The following EDIL3 variants were observed in gnomAD, a reference collection of about 807,000 sequenced individuals.
EDIL3 encodes the protein EGF like and discoidin domains 3, also known as EGF-like repeat and discoidin I-like domain-containing protein 3.
Under a neutral mutation model 67.4 loss-of-function variants are expected in EDIL3, and 37 were observed. The ratio of observed to expected loss-of-function variants is 0.55; its 90% CI spans 0.42 to 0.72. EDIL3 has a LOEUF of 0.72. Ranked by LOEUF, EDIL3 falls within the 30% of genes least tolerant of loss-of-function variation. The pLI, the probability that EDIL3 is intolerant of heterozygous loss-of-function variation, is 0.00. For synonymous variants in EDIL3, 195 were observed against 196.3 expected, an observed-to-expected ratio of 0.99 and a Z score of 0.05; for missense variants, 527 against 586.3, an observed-to-expected ratio of 0.90 and a Z score of 1.04.
At chr5:84,245,079 A>G (rs1311505864) in intron 2 of EDIL3, among the ~76,000 whole-genome samples, 3 of 152,184 alleles carry the variant, frequency 2.0e-5, no homozygotes, top group African/African-American at 7.2e-5. Flanking sequence ...TTAAATGCTT[A>G]TTCCTTCTCT....
intron 1 of EDIL3, among the ~76,000 whole-genome samples, chr5:84,313,569 G>T (rs1011673571): frequency 6.6e-6 from 1 of 152,122 alleles, no homozygotes; most frequent in African/African-American, 2.4e-5. Flanking sequence ...CCTCTACAAA[G>T]GATTATAATA....
At chr5:84,163,532 T>C (rs1748649700) in intron 4 of EDIL3, among the ~76,000 whole-genome samples, 2 of 152,212 alleles carry the variant, frequency 1.3e-5, no homozygotes, top group South Asian at 4.1e-4. Context: ...ACACTAAATA[T>C]CTTGGATGAC....
chr5:83,973,360 G>A (rs931004675), intron 9 of EDIL3, among the ~76,000 whole-genome samples: 1 of 152,062 alleles, frequency 6.6e-6, no homozygotes, highest in Non-Finnish European at 1.5e-5. Flanking sequence ...TTACAGCAGT[G>A]ACTGCACAAA....
chr5:84,057,776 T>C (rs2112232687), intron 9 of EDIL3, among the ~76,000 whole-genome samples: 1 of 151,834 alleles, frequency 6.6e-6, no homozygotes, highest in East Asian at 1.9e-4. Flanking sequence ...AATTATTTTT[T>C]GAATGAATCA....
At chr5:84,060,664 C>CAA (rs1362678693) in intron 8 of EDIL3, among the ~76,000 whole-genome samples, 180 bp from the exon 9 acceptor site, 1 of 151,972 alleles carries the variant, frequency 6.6e-6, no homozygotes, top group Admixed American at 6.6e-5. Context: ...AATCGAAAAA[C>CAA]AAGATAGTCA....
At chr5:84,243,656 T>C (rs142349402) in intron 2 of EDIL3, among the ~76,000 whole-genome samples, 360 of 152,320 alleles carry the variant, frequency 2.4e-3, no homozygotes, top group Non-Finnish European at 4.1e-3. Flanking sequence ...ATTTGCTATA[T>C]TTTCCAAGGA....
intron 4 of EDIL3, among the ~76,000 whole-genome samples, chr5:84,165,269 A>G (rs1256075752): frequency 6.6e-6 from 1 of 152,110 alleles, no homozygotes; most frequent in African/African-American, 2.4e-5. Flanking sequence ...AATTGTTCCC[A>G]TATTCCTTTC....
rs1745495599 is a variant in EDIL3 at position 84,010,297 on chromosome 5, T to C, written c.1138-46937A>G. On this transcript the variant is annotated intron_variant, in intron 9 of 10. Coordinates refer to ENST00000296591, the MANE Select transcript of EDIL3 (RefSeq NM_005711.5). ...TACCTCACATAAAATTTTTACTCTA[T>C]AATTTGAGAACTTTATAACCATGAT... Among the ~76,000 whole-genome samples, 4 of 152,316 alleles carry C rather than the reference T, an allele frequency of 2.6e-5. No individual in the cohort carries two copies. The South Asian group carries it at 8.3e-4, about 32-fold the overall frequency.
intron 1 of EDIL3, among the ~76,000 whole-genome samples, chr5:84,355,618 G>A (rs560203042): frequency 6.6e-6 from 1 of 152,236 alleles, no homozygotes; most frequent in East Asian, 2.0e-4. Flanking sequence ...AGCGGAGGCT[G>A]CAGAACAGCA....
intron 1 of EDIL3, among the ~76,000 whole-genome samples, chr5:84,365,004 GTA>G (rs141033629): frequency 0.13 from 19,205 of 151,954 alleles, 1,277 homozygotes; most frequent in South Asian, 0.21. Context: ...CTAATGGAAA[GTA>G]TTGGGTTTTG....
chr5:84,310,952 G>A (rs1019298453), intron 1 of EDIL3, among the ~76,000 whole-genome samples: 2 of 151,558 alleles, frequency 1.3e-5, no homozygotes, highest in Non-Finnish European at 2.9e-5. Context: ...CCTGCTCCTG[G>A]ATTTCACATG....
intron 1 of EDIL3, among the ~76,000 whole-genome samples, chr5:84,339,242 A>T (rs754943256): frequency 6.6e-6 from 1 of 152,202 alleles, no homozygotes; most frequent in African/African-American, 2.4e-5. Flanking sequence ...TTAATATAAC[A>T]GGGATAATGT....
chr5:84,116,288 G>A lies in EDIL3; in HGVS notation c.470-9458C>T, dbSNP rs867649289. On this transcript the variant is annotated intron_variant, in intron 5 of 10. Coordinates refer to ENST00000296591, the MANE Select transcript of EDIL3 (RefSeq NM_005711.5). ...GCTCTGTCTAATACTAGCACACTTC[G>A]AAAAGTTGTGGAAGAAATGACAGAG... 6.6e-5 allele frequency among the ~76,000 whole-genome samples: 10 copies of A among 151,538 alleles called. 1 individual carries two copies. Among genetic ancestry groups the A allele is most frequent in the Non-Finnish European group, 1.5e-4 (10 of 67,950 alleles).
At chr5:84,150,832 T>C (rs1026576100) in intron 4 of EDIL3, among the ~76,000 whole-genome samples, 16 of 152,206 alleles carry the variant, frequency 1.1e-4, no homozygotes, top group African/African-American at 3.9e-4. Flanking sequence ...TGGATGTTCA[T>C]AGCAGCTTTA....
Position 84,066,532 on chromosome 5 carries a change from A to G in EDIL3, c.726T>C (p.Tyr242=). Reference sequence around the variant, plus strand: ...TGTAGGCAATTTTGTAGGATTTTATATACTCTGGGCTTCCAATCCTCTTGG... The same window carrying G: ...TGTAGGCAATTTTGTAGGATTTTATGTACTCTGGGCTTCCAATCCTCTTGG... ...QGAKRIGSPE[Y]IKSYKIAYSN... is the part of the protein sequence containing the mutation. Residue 242 remains tyrosine (Y), a synonymous_variant, in exon 7 of 11, where the codon TAT becomes TAC. Transcript: ENST00000296591. 10 of 1,613,550 alleles carry G rather than the reference A, an allele frequency of 6.2e-6. No individual in the cohort carries two copies. The highest frequency in any genetic ancestry group is 8.5e-6 in the Non-Finnish European group (10 of 1,179,838).
intron 6 of EDIL3, among the ~76,000 whole-genome samples, chr5:84,076,816 C>G (rs1180186557): frequency 6.6e-6 from 1 of 152,126 alleles, no homozygotes; most frequent in African/African-American, 2.4e-5. Context: ...GTATGAATAA[C>G]TATAGTTGGT....
At chr5:84,273,836 T>C (rs1561242133) in intron 1 of EDIL3, among the ~76,000 whole-genome samples, 1 of 152,214 alleles carries the variant, frequency 6.6e-6, no homozygotes, top group South Asian at 2.1e-4. Context: ...TCTCCTTGTA[T>C]TTCTATACCT....
At chr5:84,228,854 C>G (rs1744503017) in intron 3 of EDIL3, among the ~76,000 whole-genome samples, 1 of 152,094 alleles carries the variant, frequency 6.6e-6, no homozygotes, top group Admixed American at 6.6e-5. Flanking sequence ...CTGACCCTAT[C>G]TTGTATATGA....
At chr5:84,196,245 T>C (rs761669528) in intron 3 of EDIL3, among the ~76,000 whole-genome samples, 34 of 152,146 alleles carry the variant, frequency 2.2e-4, no homozygotes, top group Non-Finnish European at 4.3e-4. Flanking sequence ...ATGATGAACA[T>C]GTCAATCAGG....
Sources: gnomAD v4.1 joint callset for allele counts (sites outside exome capture counted in the v4.1 genomes callset) on GRCh38, gnomAD v4.1.1 for gene constraint, MANE v1.5 for transcripts, NCBI Gene and HGNC (gene_info 2026-07-23, HGNC 2026-07-21) for gene names.